Variants in TET3 observed in about 807,000 individuals in gnomAD.
The protein encoded by TET3 is methylcytosine dioxygenase TET3.
Under a neutral mutation model 141.4 loss-of-function variants are expected in TET3, and 19 were observed. The ratio of observed to expected loss-of-function variants is 0.13; its 90% confidence interval spans 0.09 to 0.20. The LOEUF is 0.20. Ranked by LOEUF, TET3 falls within the 10% of genes least tolerant of loss-of-function variation. TET3 has a pLI of 1.00. For missense variants in TET3, 1,874 were observed against 2,356.9 expected (o/e 0.80, Z 4.24); for synonymous variants, 1,043 against 980.9 (o/e 1.06, Z -1.18).
At chr2:74,124,113 G>A in the TET3 span, among the ~76,000 whole-genome samples, 1 of 150,690 alleles carries the variant, frequency 6.6e-6, no homozygotes, top group South Asian at 2.1e-4. Flanking sequence ...CAGCTGCCCG[G>A]TCCAGGAGGT....
upstream of TET3, among the ~76,000 whole-genome samples, chr2:73,984,780 G>A (rs927861684): frequency 5.4e-4 from 81 of 149,204 alleles, no homozygotes; most frequent in African/African-American, 1.6e-3. The surrounding 1 kb of genome is among the most constrained non-coding windows in gnomAD (Gnocchi z 5.6). Flanking sequence ...TCCCCTCCGC[G>A]GGAACCACCC....
intron 2 of TET3, chr2:74,002,769 C>A: frequency 1.9e-6 from 1 of 539,614 alleles, no homozygotes; most frequent in Non-Finnish European, 3.2e-6. Context: ...ATGGGAGGCC[C>A]GCCGGCCGAT....
At chr2:73,984,324 C>A (rs1683887579), upstream of TET3, among the ~76,000 whole-genome samples, 1 of 152,250 alleles carries the variant, frequency 6.6e-6, no homozygotes, top group African/African-American at 2.4e-5. The surrounding 1 kb of genome is among the most constrained non-coding windows in gnomAD (Gnocchi z 5.6). Context: ...GGCCGTGACC[C>A]CTGCGAGGGT....
At chr2:74,075,324 T>C (rs1034549119) in intron 5 of TET3, among the ~76,000 whole-genome samples, 2 of 136,378 alleles carry the variant, frequency 1.5e-5, no homozygotes, top group African/African-American at 2.8e-5. Flanking sequence ...CAAATACTTT[T>C]TTTTTTTTTT....
intron 4 of TET3, among the ~76,000 whole-genome samples, chr2:74,063,332 T>C (rs1275682197): frequency 6.6e-6 from 1 of 152,176 alleles, no homozygotes; most frequent in Non-Finnish European, 1.5e-5. Context: ...TATAAAGTTA[T>C]GTTTTCCCCT....
chr2:74,068,279 G>C (rs1026413895), intron 4 of TET3, among the ~76,000 whole-genome samples: 5 of 151,772 alleles, frequency 3.3e-5, no homozygotes. Flanking sequence ...AATGACATAT[G>C]TATATACCTT....
intron 11 of TET3, among the ~76,000 whole-genome samples, 199 bp downstream of exon 11, chr2:74,099,811 G>A (rs1266499958): frequency 6.6e-6 from 1 of 152,168 alleles, no homozygotes; most frequent in Non-Finnish European, 1.5e-5. Context: ...TGTTATCTGC[G>A]TGGAAGTGAG....
At chr2:73,988,994 TTTTTG>T (rs1336039419) in intron 2 of TET3, among the ~76,000 whole-genome samples, 4 of 135,388 alleles carry the variant, frequency 3.0e-5, no homozygotes, top group African/African-American at 7.9e-5. Flanking sequence ...AAAAAAGTTT[TTTTTG>T]TTTTTTTTTT....
At chr2:74,081,799 A>G (rs1265122661) in intron 6 of TET3, among the ~76,000 whole-genome samples, 3 of 152,328 alleles carry the variant, frequency 2.0e-5, no homozygotes, top group Non-Finnish European at 4.4e-5. Context: ...GGTGAAAATA[A>G]AAGGTGTCTG....
rs757541427 is a variant in TET3, at chr2:74,101,122, C to T, written c.4334C>T (p.Ser1445Phe). 8 of 1,613,628 alleles carry T rather than the reference C, an allele frequency of 5.0e-6. No individual in the cohort carries two copies. Among genetic ancestry groups the T allele is most frequent in the Middle Eastern group, 1.6e-4 (1 of 6,062 alleles). Residue 1445 changes from serine to phenylalanine, a missense_variant, in exon 12 of 12, where the codon TCC becomes TTC. By Grantham distance (155) the Ser-to-Phe change is radical (BLOSUM62 -2). This residue lies in a region of TET3 where 602 missense variants were observed against 590.2 expected (regional missense o/e 1.02). Transcript: ENST00000409262. This position sits in a 1 kb window ranked among gnomAD's most constrained non-coding sequence, Gnocchi z 8.5. ...CAGTACTCAGGAGGCCCAAGCATGT[C>T]CCCCAAGAGGACTAACGGTGTGGGT... ...WGQYSGGPSM[S>F]PKRTNGVGGS...
At chr2:74,002,913 G>C in intron 2 of TET3, 197 bp from the exon 3 acceptor site, 1 of 603,940 alleles carries the variant, frequency 1.7e-6, no homozygotes. Context: ...CACACTGGAA[G>C]GCGGGGGAGC....
At chr2:74,118,652 A>G in the TET3 span, among the ~76,000 whole-genome samples, 1 of 152,158 alleles carries the variant, frequency 6.6e-6, no homozygotes, top group Non-Finnish European at 1.5e-5. Flanking sequence ...TTCAAAAGTC[A>G]CATTGTATTT....
At chr2:74,055,760 A>G (rs1057194700) in intron 4 of TET3, among the ~76,000 whole-genome samples, 1 of 152,202 alleles carries the variant, frequency 6.6e-6, no homozygotes, top group African/African-American at 2.4e-5. Context: ...GGATTAATTC[A>G]TTCATGGATT....
At chr2:74,112,367 T>G (rs1691724613), downstream of TET3, among the ~76,000 whole-genome samples, 2 of 152,096 alleles carry the variant, frequency 1.3e-5, no homozygotes. Flanking sequence ...ACTTATTTGC[T>G]TTTAAAGTAT....
chr2:74,031,067 G>A (rs572866695), intron 3 of TET3, among the ~76,000 whole-genome samples: 1 of 152,248 alleles, frequency 6.6e-6, no homozygotes, highest in South Asian at 2.1e-4. Context: ...AAGTGGAAGT[G>A]TGTCTGGTAG....
At chr2:74,120,030 G>A in the TET3 span, among the ~76,000 whole-genome samples, 1 of 152,234 alleles carries the variant, frequency 6.6e-6, no homozygotes, top group African/African-American at 2.4e-5. Context: ...CAGCAGGAAA[G>A]ACGTACTAGT....
intron 2 of TET3, chr2:74,002,601 G>C: frequency 5.9e-6 from 2 of 339,406 alleles, no homozygotes; most frequent in Non-Finnish European, 5.3e-6. Flanking sequence ...CGGCTGGGCA[G>C]GTCCACCAGG....
At chr2:74,056,294 A>C (rs1408805717) in intron 4 of TET3, among the ~76,000 whole-genome samples, 1 of 152,212 alleles carries the variant, frequency 6.6e-6, no homozygotes, top group Non-Finnish European at 1.5e-5. Context: ...TCTTTCTGTT[A>C]GGTAGTAATG....
At chr2:74,073,000 G>T (rs1381094643) in intron 4 of TET3, among the ~76,000 whole-genome samples, 1 of 152,246 alleles carries the variant, frequency 6.6e-6, no homozygotes, top group African/African-American at 2.4e-5. Flanking sequence ...CCTGCTGATG[G>T]ATGATTATGT....
Sources: allele counts gnomAD v4.1 joint callset (sites outside exome capture counted in the v4.1 genomes callset), GRCh38; gene constraint gnomAD v4.1.1; regional missense constraint gnomAD v4.1.1; non-coding constraint Gnocchi (gnomAD v3.1); transcripts MANE v1.5; gene names NCBI Gene and HGNC (gene_info 2026-07-23, HGNC 2026-07-21).